The following TLL1 variants were observed in gnomAD, a reference collection of about 807,000 sequenced individuals.
TLL1 encodes tolloid like 1, also known as tolloid-like protein 1.
A neutral mutation model predicts 128.2 loss-of-function variants in TLL1; 49 were observed. That is an observed-to-expected ratio of 0.38 (90% CI 0.30 to 0.48). TLL1 has a LOEUF of 0.48. TLL1 is among the 20% of genes least tolerant of loss of function. TLL1 has a pLI of 0.96. For missense variants in TLL1, 1,123 were observed against 1,242.0 expected (o/e 0.90, Z 1.44); for synonymous variants, 454 against 418.8 (o/e 1.08, Z -1.03).
At chr4:165,948,245 G>A (rs1341725031) in intron 1 of TLL1, among the ~76,000 whole-genome samples, 2 of 152,056 alleles carry the variant, frequency 1.3e-5, no homozygotes, top group Non-Finnish European at 2.9e-5. Flanking sequence ...TGTATGTTAC[G>A]AGCAGATAAC....
At chr4:165,924,497 T>G (rs1248844039) in intron 1 of TLL1, among the ~76,000 whole-genome samples, 3 of 151,958 alleles carry the variant, frequency 2.0e-5, no homozygotes, top group Non-Finnish European at 2.9e-5. Flanking sequence ...GAAGGCTGAG[T>G]GAGGTGAGGA....
At chr4:166,093,654 G>C (rs1741885417) in intron 19 of TLL1, among the ~76,000 whole-genome samples, 1 of 152,112 alleles carries the variant, frequency 6.6e-6, no homozygotes, top group African/African-American at 2.4e-5. Context: ...CAGGTGTCGG[G>C]CTGGGGGACG....
chr4:165,950,795 A>G (rs115635575), intron 1 of TLL1, among the ~76,000 whole-genome samples: 208 of 152,164 alleles, frequency 1.4e-3, no homozygotes, highest in African/African-American at 4.9e-3. Flanking sequence ...ATAGCATTAA[A>G]TGCTTATATT....
chr4:166,090,279 C>T (rs1194723215), intron 18 of TLL1, among the ~76,000 whole-genome samples: 1 of 152,142 alleles, frequency 6.6e-6, no homozygotes, highest in African/African-American at 2.4e-5. Flanking sequence ...GAGCCTTTGG[C>T]AATGGCAAAT....
chr4:165,983,997 A>T (rs748455939), intron 1 of TLL1, among the ~76,000 whole-genome samples: 1 of 151,882 alleles, frequency 6.6e-6, no homozygotes, highest in Non-Finnish European at 1.5e-5. Flanking sequence ...TTGATTTTAT[A>T]TGGTAGTGTA....
At chr4:166,002,571 A>C (rs1737220383) in intron 5 of TLL1, among the ~76,000 whole-genome samples, 1 of 152,050 alleles carries the variant, frequency 6.6e-6, no homozygotes, top group Non-Finnish European at 1.5e-5. Context: ...CAGCCTCTGA[A>C]GTAGCTAGGA....
At chr4:165,963,096 T>C (rs1171180232) in intron 1 of TLL1, among the ~76,000 whole-genome samples, 3 of 141,750 alleles carry the variant, frequency 2.1e-5, no homozygotes, top group African/African-American at 5.5e-5. Context: ...AGCTAAACAT[T>C]AGGTACTCAT....
chr4:165,891,104 C>T (rs571146378), intron 1 of TLL1, among the ~76,000 whole-genome samples: 11 of 152,184 alleles, frequency 7.2e-5, no homozygotes, highest in Admixed American at 1.3e-4. Context: ...CTTTTAGCCA[C>T]GGTTCAGATG....
intron 1 of TLL1, among the ~76,000 whole-genome samples, chr4:165,892,700 G>A (rs564996624): frequency 3.9e-4 from 59 of 152,290 alleles, no homozygotes; most frequent in South Asian, 3.5e-3. Flanking sequence ...ATATTCACTA[G>A]GAAGGCAGGA....
chr4:166,074,406 CATACA>C (rs1446029385), intron 16 of TLL1, among the ~76,000 whole-genome samples: 1 of 151,614 alleles, frequency 6.6e-6, no homozygotes, highest in African/African-American at 2.4e-5. Context: ...TAAGTGATTA[CATACA>C]AATCTTGGAA....
chr4:165,926,542 A>G (rs2110897367), intron 1 of TLL1, among the ~76,000 whole-genome samples: 1 of 152,316 alleles, frequency 6.6e-6, no homozygotes, highest in African/African-American at 2.4e-5. Flanking sequence ...CAGGAAGCAG[A>G]AGGCAGAGGG....
At chr4:166,078,179 C>G (rs1741123038) in intron 18 of TLL1, 149 bp downstream of exon 18, 1 of 1,266,082 alleles carries the variant, frequency 7.9e-7, no homozygotes, top group Non-Finnish European at 1.1e-6. Context: ...CCTACTTGCA[C>G]TAAAATCCTT....
chr4:165,995,273 G>A (rs1376362080), intron 5 of TLL1, 95 bp downstream of exon 5: 2 of 1,001,094 alleles, frequency 2.0e-6, no homozygotes, highest in African/African-American at 1.6e-5. Context: ...CTTAAGATTT[G>A]CTTTGTATTT....
intron 1 of TLL1, among the ~76,000 whole-genome samples, chr4:165,983,312 G>A (rs1312725632): frequency 1.3e-5 from 2 of 151,674 alleles, no homozygotes; most frequent in African/African-American, 2.4e-5. Flanking sequence ...GAACAATTTT[G>A]TTTTCTGACC....
intron 1 of TLL1, among the ~76,000 whole-genome samples, chr4:165,951,202 A>C (rs1734498703): frequency 6.6e-6 from 1 of 152,122 alleles, no homozygotes. Context: ...CCCATAAAGA[A>C]ATGATAACCT....
chr4:165,989,617 T>C, intron 2 of TLL1, 126 bp downstream of exon 2: 1 of 677,244 alleles, frequency 1.5e-6, no homozygotes, highest in Non-Finnish European at 2.6e-6. Context: ...TACACAAATA[T>C]ACATATTTAG....
At chr4:165,894,842 AGT>A (rs34248657) in intron 1 of TLL1, among the ~76,000 whole-genome samples, 52,106 of 141,486 alleles carry the variant, frequency 0.37, 9,533 homozygotes, top group East Asian at 0.67. Context: ...TCAAATGATG[AGT>A]GTGTGTGTGT....
chr4:166,052,341 G>C (rs1415304798), intron 12 of TLL1, among the ~76,000 whole-genome samples: 1 of 152,008 alleles, frequency 6.6e-6, no homozygotes, highest in East Asian at 1.9e-4. Context: ...TGTTGCCCAG[G>C]CTGGAGTGCA....
At chr4:165,937,181 A>G (rs1733802876) in intron 1 of TLL1, among the ~76,000 whole-genome samples, 1 of 152,012 alleles carries the variant, frequency 6.6e-6, no homozygotes, top group Non-Finnish European at 1.5e-5. Flanking sequence ...TTCATTTATC[A>G]TTTATTACTG....
Sources: allele counts gnomAD v4.1 joint callset (sites outside exome capture counted in the v4.1 genomes callset), GRCh38; gene constraint gnomAD v4.1.1; transcripts MANE v1.5; gene names NCBI Gene and HGNC (gene_info 2026-07-23, HGNC 2026-07-21).